CACHD1: variants seen among roughly 807,000 people sequenced by gnomAD.
The protein encoded by CACHD1 is VWFA and cache domain-containing protein 1.
In CACHD1, 71 loss-of-function variants were observed where a neutral mutation model predicts 138.7. That is an observed-to-expected ratio of 0.51 (90% CI 0.42 to 0.62). The LOEUF is 0.62. Ranked by LOEUF, CACHD1 falls within the 20% of genes least tolerant of loss-of-function variation. CACHD1 has a pLI of 0.00. For synonymous variants in CACHD1, 578 were observed against 591.5 expected, an observed-to-expected ratio of 0.98 and a Z score of 0.33; for missense variants, 1,389 against 1,625.3, an observed-to-expected ratio of 0.85 and a Z score of 2.50.
intron 1 of CACHD1, among the ~76,000 whole-genome samples, chr1:64,516,629 G>C (rs988285568): frequency 6.6e-6 from 1 of 152,154 alleles, no homozygotes; most frequent in Non-Finnish European, 1.5e-5. Flanking sequence ...TTGCACGATA[G>C]GCATCATTAT....
chr1:64,551,130 A>G (rs921108115), intron 2 of CACHD1, among the ~76,000 whole-genome samples: 3 of 152,150 alleles, frequency 2.0e-5, no homozygotes, highest in African/African-American at 7.2e-5. Flanking sequence ...AATGATGACA[A>G]ATTGACCAAG....
chr1:64,539,017 C>T (rs973466401), intron 1 of CACHD1, among the ~76,000 whole-genome samples: 1 of 152,224 alleles, frequency 6.6e-6, no homozygotes, highest in Admixed American at 6.5e-5. Flanking sequence ...CTGCCCCTCA[C>T]AGGACTTTAT....
At chr1:64,624,897 A>T (rs1648042885) in intron 4 of CACHD1, among the ~76,000 whole-genome samples, 1 of 152,224 alleles carries the variant, frequency 6.6e-6, no homozygotes, top group African/African-American at 2.4e-5. Flanking sequence ...TATATTTTGC[A>T]TATCTTTGTT....
chr1:64,498,200 C>T (rs776463922), intron 1 of CACHD1, among the ~76,000 whole-genome samples: 1 of 152,040 alleles, frequency 6.6e-6, no homozygotes, highest in East Asian at 1.9e-4. Flanking sequence ...CACCAAAGCT[C>T]GGAGAGAGCT....
At chr1:64,571,198 A>G (rs1646924996) in intron 2 of CACHD1, among the ~76,000 whole-genome samples, 1 of 152,230 alleles carries the variant, frequency 6.6e-6, no homozygotes, top group South Asian at 2.1e-4. Context: ...TAACAATTGA[A>G]GAAATCAAAC....
intron 26 of CACHD1, among the ~76,000 whole-genome samples, chr1:64,684,363 C>CTTTTTTTT (rs397980387): frequency 4.7e-4 from 26 of 54,954 alleles, no homozygotes; most frequent in East Asian, 1.9e-3. Context: ...TCTTCTTCTT[C>CTTTTTTTT]TTTTTTTTTT....
chr1:64,596,798 A>G (rs1048092747), intron 3 of CACHD1, among the ~76,000 whole-genome samples: 9 of 152,212 alleles, frequency 5.9e-5, no homozygotes, highest in Admixed American at 1.3e-4. Context: ...CCTATTAGCT[A>G]TCATTACATT....
chr1:64,584,722 C>G (rs1449480407), intron 3 of CACHD1, among the ~76,000 whole-genome samples: 1 of 152,170 alleles, frequency 6.6e-6, no homozygotes, highest in Non-Finnish European at 1.5e-5. Flanking sequence ...TTTATTACCC[C>G]TAGCACCTGG....
intron 3 of CACHD1, among the ~76,000 whole-genome samples, chr1:64,594,269 A>AAG (rs1553136872): frequency 1.3e-5 from 2 of 150,656 alleles, no homozygotes; most frequent in African/African-American, 4.9e-5. Context: ...AAAAAAAAAA[A>AAG]GAAAGAAAGG....
At chr1:64,552,319 C>T (rs1037245027) in intron 2 of CACHD1, among the ~76,000 whole-genome samples, 3 of 152,014 alleles carry the variant, frequency 2.0e-5, no homozygotes, top group Non-Finnish European at 4.4e-5. Flanking sequence ...TACCAAATAA[C>T]CTTGAAGGAA....
chr1:64,565,004 C>T (rs1003028074), intron 2 of CACHD1, among the ~76,000 whole-genome samples: 2 of 150,882 alleles, frequency 1.3e-5, no homozygotes, highest in Admixed American at 6.7e-5. Flanking sequence ...ACTGGAGATA[C>T]TCTGGCACCT....
At chr1:64,687,282 A>G (rs1464262270) in intron 26 of CACHD1, among the ~76,000 whole-genome samples, 1 of 152,142 alleles carries the variant, frequency 6.6e-6, no homozygotes, top group Non-Finnish European at 1.5e-5. Flanking sequence ...GTAAACAATT[A>G]ATTTGTTGAA....
intron 1 of CACHD1, among the ~76,000 whole-genome samples, chr1:64,531,495 TTGTGTGTGTGTGTGTGTG>T (rs68180558): frequency 6.8e-6 from 1 of 146,780 alleles, no homozygotes; most frequent in East Asian, 2.0e-4. Flanking sequence ...ATGAATGTGG[TTGTGTGTGTGTGTGTGTG>T]TGTGTGTGTG....
At chr1:64,516,909 G>A (rs997422922) in intron 1 of CACHD1, among the ~76,000 whole-genome samples, 2 of 152,196 alleles carry the variant, frequency 1.3e-5, no homozygotes, top group African/African-American at 2.4e-5. Context: ...GGGAAATTCA[G>A]CATTGCAATT....
chr1:64,576,553 A>G (rs1234211673), intron 2 of CACHD1, among the ~76,000 whole-genome samples: 1 of 151,834 alleles, frequency 6.6e-6, no homozygotes, highest in East Asian at 1.9e-4. Flanking sequence ...GTGTGTCACC[A>G]TCACATTCCT....
chr1:64,690,614 G>A (rs1344985921), intron 26 of CACHD1, among the ~76,000 whole-genome samples: 1 of 152,232 alleles, frequency 6.6e-6, no homozygotes, highest in East Asian at 1.9e-4. Flanking sequence ...AGTTGCCCTG[G>A]GTATATGTGG....
chr1:64,488,635 G>T (rs1009954312), intron 1 of CACHD1, among the ~76,000 whole-genome samples: 2 of 152,062 alleles, frequency 1.3e-5, no homozygotes, highest in Non-Finnish European at 2.9e-5. Context: ...TCATACACTG[G>T]TTCTCTTAGT....
At chr1:64,535,327 GTT>G (rs3078381) in intron 1 of CACHD1, among the ~76,000 whole-genome samples, 6 of 136,600 alleles carry the variant, frequency 4.4e-5, no homozygotes, top group Non-Finnish European at 4.7e-5. Context: ...AATTTGGAGG[GTT>G]TTTTTTTTTT....
chr1:64,613,984 T>A (rs1267371690), intron 4 of CACHD1, among the ~76,000 whole-genome samples: 1 of 152,204 alleles, frequency 6.6e-6, no homozygotes, highest in African/African-American at 2.4e-5. Context: ...TCCTTTGAAT[T>A]TGCTCCCCAG....
Sources: gnomAD v4.1 joint callset for allele counts (sites outside exome capture counted in the v4.1 genomes callset) on GRCh38, gnomAD v4.1.1 for gene constraint, MANE v1.5 for transcripts, NCBI Gene and HGNC (gene_info 2026-07-23, HGNC 2026-07-21) for gene names.